The following MEGF11 variants were observed in gnomAD, a reference collection of about 807,000 sequenced individuals.
MEGF11 encodes multiple epidermal growth factor-like domains protein 11.
MEGF11 carries 126 observed loss-of-function variants against 146.6 expected under a neutral mutation model. The ratio of observed to expected loss-of-function variants is 0.86; its 90% CI spans 0.74 to 1.00. The LOEUF (loss-of-function observed/expected upper bound fraction) is 1.00, where lower values mean the gene tolerates loss of function less well. Among genes scored for constraint, MEGF11 ranks in the 50% least tolerant of loss-of-function variants. The pLI is 0.00. For missense variants in MEGF11, 1,509 were observed against 1,521.2 expected, an observed-to-expected ratio of 0.99 and a Z score of 0.13; for synonymous variants, 532 against 583.4, an observed-to-expected ratio of 0.91 and a Z score of 1.27.
At chr15:66,052,278 C>T (rs551238070) in intron 5 of MEGF11, among the ~76,000 whole-genome samples, 2 of 152,286 alleles carry the variant, frequency 1.3e-5, no homozygotes, top group South Asian at 4.1e-4. Flanking sequence ...TTTCAGAGAA[C>T]AGCAGGATGG....
chr15:65,918,105 A>G lies in MEGF11; in HGVS notation c.1958-11T>C. On this transcript the variant is annotated splice_polypyrimidine_tract_variant and intron_variant, in intron 15 of 25. Transcript: ENST00000395614. ...ATCCTCCAGCACACACTGTGGGCAC[A>G]GGGCAGCCTGGCACCCATCCTCCCA... 6.2e-7 allele frequency: 1 copy of G among 1,613,430 alleles called. No homozygotes were observed. The highest frequency in any genetic ancestry group is 8.5e-7 in the Non-Finnish European group (1 of 1,179,836).
intron 21 of MEGF11, among the ~76,000 whole-genome samples, chr15:65,910,518 CCTAT>C (rs949523218): frequency 3.3e-5 from 5 of 152,106 alleles, no homozygotes; most frequent in African/African-American, 9.7e-5. Flanking sequence ...CTGCAGATGC[CCTAT>C]CTGTTAGACT....
intron 5 of MEGF11, among the ~76,000 whole-genome samples, chr15:66,078,517 G>A (rs1037195003): frequency 6.6e-6 from 1 of 152,240 alleles, no homozygotes; most frequent in Non-Finnish European, 1.5e-5. Flanking sequence ...ATTCTTGGGG[G>A]CAGGGCTCCC....
chr15:66,098,760 T>A (rs142578529), intron 4 of MEGF11, among the ~76,000 whole-genome samples: 1 of 152,318 alleles, frequency 6.6e-6, no homozygotes, highest in East Asian at 1.9e-4. Flanking sequence ...CAAGTGCCAA[T>A]TCTGAGGTGA....
chr15:66,129,108 G>A (rs910965301), intron 1 of MEGF11, among the ~76,000 whole-genome samples: 14 of 152,252 alleles, frequency 9.2e-5, no homozygotes, highest in Admixed American at 4.6e-4. Context: ...GGCCCCTGAA[G>A]TGACAGCCTA....
rs2090418558 is a variant in MEGF11, at chr15:66,177,562, T to A, written c.-8-49151A>T. On this transcript the variant is annotated intron_variant, in intron 1 of 25. Transcript: ENST00000395614. The stretch of plus-strand genomic sequence containing the variant: ...CGGCACATTTTAAATTAGTAACGGC[T>A]GTTTTTGTTTTTTTTTAACTTTACC... Among the ~76,000 whole-genome samples, 4 of 152,068 alleles carry A rather than the reference T, an allele frequency of 2.6e-5. No individual in the cohort carries two copies. The South Asian group carries it at 8.3e-4, about 32-fold the overall frequency.
At chr15:66,214,470 G>T (rs1006290618) in intron 1 of MEGF11, among the ~76,000 whole-genome samples, 1 of 152,194 alleles carries the variant, frequency 6.6e-6, no homozygotes, top group Admixed American at 6.5e-5. Context: ...GAGGTCTCGG[G>T]CAGGGGGAAG....
chr15:66,004,795 G>A (rs1046829741), intron 5 of MEGF11, among the ~76,000 whole-genome samples: 1 of 152,208 alleles, frequency 6.6e-6, no homozygotes, highest in Admixed American at 6.5e-5. Flanking sequence ...CAATTCTCAA[G>A]CCTCACAACA....
At chr15:65,920,016 A>G (rs2079125631) in intron 15 of MEGF11, among the ~76,000 whole-genome samples, 1 of 152,258 alleles carries the variant, frequency 6.6e-6, no homozygotes, top group Non-Finnish European at 1.5e-5. Context: ...TACTCTTGGA[A>G]TACTATTATA....
intron 1 of MEGF11, among the ~76,000 whole-genome samples, chr15:66,194,989 G>T (rs929893934): frequency 2.0e-5 from 3 of 151,976 alleles, no homozygotes; most frequent in Non-Finnish European, 4.4e-5. Context: ...TAAGTGGCAC[G>T]TGGTCTAGTT....
chr15:65,902,355 C>T (rs2078515998), intron 24 of MEGF11: 1 of 152,472 alleles, frequency 6.6e-6, no homozygotes, highest in African/African-American at 2.4e-5. Context: ...AAGTATCTTC[C>T]ATACAGGAGC....
rs201758507 is a variant in MEGF11, at chr15:65,906,121, G to A, written c.3019C>T (p.Arg1007Cys). Residue 1007 changes from arginine (R) to cysteine (C), a missense_variant, in exon 24 of 26, where the codon CGT becomes TGT. Coordinates refer to ENST00000395614, the MANE Select transcript of MEGF11 (RefSeq NM_001385028.1). ...HSPGACGMDR[R>C]QNTYIMDKGF... is the part of the protein sequence containing the mutation. ...TTGTCCATAATGTATGTGTTCTGACGTCTATCCATTCCACAAGCACCTGTG... is the reference window on the plus strand; with the variant it reads ...TTGTCCATAATGTATGTGTTCTGACATCTATCCATTCCACAAGCACCTGTG... 3.1e-5 allele frequency: 50 copies of A among 1,610,576 alleles called. No homozygotes were observed. Among genetic ancestry groups the A allele is most frequent in the East Asian group, 2.0e-4 (9 of 44,868 alleles).
rs116257845 is a variant in MEGF11 at position 66,075,507 on chromosome 15, T to G, written c.394+18895A>C. 4.2e-3 allele frequency among the ~76,000 whole-genome samples: 644 copies of G among 152,320 alleles called. 4 individuals carry two copies. Among genetic ancestry groups the G allele is most frequent in the African/African-American group, 0.015 (622 of 41,566 alleles). ...ATGTCCAGTGTTCCAGACAGCAGAC[T>G]GGGATCTCCAACAGGTGGCCCCAAG... On this transcript the variant is annotated intron_variant, in intron 5 of 25. Coordinates refer to ENST00000395614, the MANE Select transcript of MEGF11 (RefSeq NM_001385028.1).
chr15:66,232,018 A>G (rs2091977236), intron 1 of MEGF11, among the ~76,000 whole-genome samples: 1 of 152,214 alleles, frequency 6.6e-6, no homozygotes, highest in Non-Finnish European at 1.5e-5. Flanking sequence ...CAGAAGCTAA[A>G]GGATTTGCCC....
chr15:66,008,140 G>T (rs2082576297), intron 5 of MEGF11, among the ~76,000 whole-genome samples: 1 of 152,106 alleles, frequency 6.6e-6, no homozygotes, highest in African/African-American at 2.4e-5. Context: ...TGTGGCCTGT[G>T]GTTTTCAACA....
intron 5 of MEGF11, among the ~76,000 whole-genome samples, chr15:66,078,633 G>A (rs1009651673): frequency 1.3e-5 from 2 of 152,176 alleles, no homozygotes; most frequent in Admixed American, 1.3e-4. Flanking sequence ...GGTGGGTGCA[G>A]TTCGTGAGTC....
Position 65,982,601 on chromosome 15 carries a change from C to T in MEGF11, c.395-113G>A. ...CATCTTTGCAGCGCTGCTCCCCGGA[C>T]AGGTGGCAGCAAGGGGTGCCTGGAA... On this transcript the variant is annotated intron_variant, in intron 5 of 25. Coordinates refer to ENST00000395614, the MANE Select transcript of MEGF11 (RefSeq NM_001385028.1). This position sits in a 1 kb window ranked among gnomAD's most constrained non-coding sequence, Gnocchi z 5.6. 1 of 1,289,782 alleles carries T rather than the reference C, an allele frequency of 7.8e-7. No individual in the cohort carries two copies. Among genetic ancestry groups the T allele is most frequent in the Non-Finnish European group, 1.0e-6 (1 of 988,538 alleles). 79.9% of individuals were successfully genotyped at this position (1,289,782 alleles called of 1,614,324 possible). A position where few individuals can be genotyped will look rare whatever the true frequency, so the allele number is the denominator to read the frequency against.
intron 10 of MEGF11, among the ~76,000 whole-genome samples, chr15:65,951,331 G>A (rs552306118): frequency 6.6e-6 from 1 of 152,166 alleles, no homozygotes; most frequent in Non-Finnish European, 1.5e-5. Context: ...ATATAGTAGT[G>A]CCCCCTTATC....
chr15:65,937,927 C>T (rs1040352510), intron 10 of MEGF11, among the ~76,000 whole-genome samples: 3 of 152,354 alleles, frequency 2.0e-5, no homozygotes, highest in South Asian at 4.1e-4. Context: ...TTGCAAGTGT[C>T]CAGCTGGGAA....
Sources: gnomAD v4.1 joint callset for allele counts (sites outside exome capture counted in the v4.1 genomes callset) on GRCh38, gnomAD v4.1.1 for gene constraint, Gnocchi (gnomAD v3.1) non-coding constraint, MANE v1.5 for transcripts, NCBI Gene and HGNC (gene_info 2026-07-23, HGNC 2026-07-21) for gene names.